Variants in USP10 observed in about 807,000 individuals in gnomAD.
The protein encoded by USP10 is ubiquitin specific peptidase 10.
A neutral mutation model predicts 84.5 loss-of-function variants in USP10; 22 were observed. That is an observed-to-expected ratio of 0.26 (90% CI 0.19 to 0.37). The LOEUF (loss-of-function observed/expected upper bound fraction) is 0.37. Ranked by LOEUF, USP10 falls within the 10% of genes least tolerant of loss-of-function variation. USP10 has a pLI of 1.00. For synonymous variants in USP10, 454 were observed against 387.6 expected, an observed-to-expected ratio of 1.17 and a Z score of -2.01; for missense variants, 1,019 against 998.9, an observed-to-expected ratio of 1.02 and a Z score of -0.27.
chr16:84,743,491 C>T (rs570429490), intron 3 of USP10, among the ~76,000 whole-genome samples: 2 of 152,118 alleles, frequency 1.3e-5, no homozygotes, highest in Admixed American at 6.5e-5. Context: ...AAAATATATT[C>T]AGTTCTCCGC....
At chr16:84,763,191 C>A (rs1913411063) in intron 9 of USP10, 103 bp downstream of exon 9, 2 of 612,414 alleles carry the variant, frequency 3.3e-6, no homozygotes, top group Admixed American at 5.2e-5. Flanking sequence ...AGTCGTTTTC[C>A]TTTCAAATAG....
intron 10 of USP10, among the ~76,000 whole-genome samples, chr16:84,765,735 A>C (rs1204785064): frequency 6.6e-6 from 1 of 152,220 alleles, no homozygotes; most frequent in Non-Finnish European, 1.5e-5. Context: ...GGTGAGGTAG[A>C]AAGTGAAGAG....
chr16:84,725,623 C>T (rs1365490804), intron 1 of USP10, among the ~76,000 whole-genome samples: 1 of 152,056 alleles, frequency 6.6e-6, no homozygotes, highest in Non-Finnish European at 1.5e-5. Flanking sequence ...AGTCTGTTCT[C>T]TGACTCCTGA....
chr16:84,713,571 T>C (rs1427834887), intron 1 of USP10, among the ~76,000 whole-genome samples: 1 of 152,206 alleles, frequency 6.6e-6, no homozygotes, highest in Non-Finnish European at 1.5e-5. Context: ...GTTTGCTTTG[T>C]TCACTGCTGG....
chr16:84,748,565 A>G (rs193019224), intron 4 of USP10, among the ~76,000 whole-genome samples: 13 of 152,146 alleles, frequency 8.5e-5, no homozygotes, highest in Non-Finnish European at 1.5e-4. Flanking sequence ...CAGCCTCTCA[A>G]AGTGCTGAGA....
chr16:84,700,007 T>C lies in USP10; in HGVS notation c.-84T>C, dbSNP rs1904620716. On this transcript the variant is annotated 5_prime_UTR_variant, in exon 1 of 14. Coordinates refer to ENST00000219473, the MANE Select transcript of USP10 (RefSeq NM_005153.3). The stretch of plus-strand genomic sequence containing the variant: ...AGGCGCGGCGGCCGATGCGAGTGTG[T>C]ATGTGCGGGCGAGAAGATGGCGGCG... 8 of 1,262,678 alleles carry C rather than the reference T, an allele frequency of 6.3e-6. No homozygotes were observed. Among genetic ancestry groups the C allele is most frequent in the East Asian group, 5.3e-5 (1 of 18,814 alleles). The allele number at this position is 1,262,678 out of a possible 1,614,324, so 78.2% of individuals were successfully genotyped here.
chr16:84,737,895 C>T (rs1301785864), intron 2 of USP10, among the ~76,000 whole-genome samples: 1 of 152,240 alleles, frequency 6.6e-6, no homozygotes, highest in Admixed American at 6.5e-5. Flanking sequence ...CACCCTCAGT[C>T]AGCGCCACCT....
At chr16:84,759,510 T>A (rs750020049) in intron 6 of USP10, 38 bp downstream of exon 6, 1 of 1,559,726 alleles carries the variant, frequency 6.4e-7, no homozygotes, top group Non-Finnish European at 8.8e-7. Flanking sequence ...AGTGGTGGGG[T>A]TTTTCCCGTC....
At chr16:84,777,358 C>T (rs1366453450) in intron 13 of USP10, among the ~76,000 whole-genome samples, 3 of 152,170 alleles carry the variant, frequency 2.0e-5, no homozygotes, top group East Asian at 1.9e-4. Flanking sequence ...TACTGATGGT[C>T]GCTTTGAAGC....
chr16:84,725,329 A>C (rs181609634), intron 1 of USP10, among the ~76,000 whole-genome samples: 2 of 152,300 alleles, frequency 1.3e-5, no homozygotes, highest in Admixed American at 6.5e-5. Flanking sequence ...AACTTAGTAT[A>C]ATGTTTTCAA....
intron 11 of USP10, 146 bp from the exon 12 acceptor site, chr16:84,772,395 C>A: frequency 9.1e-7 from 1 of 1,094,002 alleles, no homozygotes; most frequent in South Asian, 1.5e-5. Flanking sequence ...CTCAGAGCTT[C>A]TGTGGGGCAG....
chr16:84,765,071 T>C (rs772336698), intron 10 of USP10, among the ~76,000 whole-genome samples: 50 of 151,286 alleles, frequency 3.3e-4, no homozygotes, highest in Non-Finnish European at 6.2e-4. Flanking sequence ...CAAGACTGTC[T>C]TCAAAAAAAA....
At chr16:84,727,345 A>T (rs1453803266) in intron 1 of USP10, among the ~76,000 whole-genome samples, 1 of 152,182 alleles carries the variant, frequency 6.6e-6, no homozygotes, top group Admixed American at 6.5e-5. Context: ...CCCTCATGTG[A>T]CAGCCTTTGA....
Position 84,733,457 on chromosome 16 carries a change from C to T in USP10, c.44C>T (p.Pro15Leu), listed in dbSNP as rs1224318040. The T allele has an allele frequency of 1.2e-6, 2 of 1,609,000 alleles. No individual in the cohort carries two copies. The highest frequency in any genetic ancestry group is 1.7e-5 in the Admixed American group (1 of 59,402). ...SPQYIFGDFS[P>L]DEFNQFFVTP... ...CAGTATATTTTTGGAGATTTTAGCCCTGATGAATTCAATCAATTCTTTGTG... is the reference window on the plus strand; with the variant it reads ...CAGTATATTTTTGGAGATTTTAGCCTTGATGAATTCAATCAATTCTTTGTG... Residue 15 changes from proline (P) to leucine (L), a missense_variant, in exon 2 of 14, where the codon CCT (proline) becomes CTT (leucine). Transcript: ENST00000219473.
intron 2 of USP10, among the ~76,000 whole-genome samples, chr16:84,734,456 T>G (rs1909637551): frequency 6.6e-6 from 1 of 152,244 alleles, no homozygotes; most frequent in Non-Finnish European, 1.5e-5. Context: ...TTTATATCCC[T>G]TGTCCATATT....
At chr16:84,729,919 A>G (rs1353207689) in intron 1 of USP10, among the ~76,000 whole-genome samples, 1 of 152,212 alleles carries the variant, frequency 6.6e-6, no homozygotes, top group Non-Finnish European at 1.5e-5. Flanking sequence ...ACATGTTTTC[A>G]TCAAGTCCTA....
At chr16:84,777,198 G>A (rs1915111853) in intron 13 of USP10, among the ~76,000 whole-genome samples, 2 of 152,144 alleles carry the variant, frequency 1.3e-5, no homozygotes, top group Admixed American at 6.5e-5. Context: ...GGGCTTGCAG[G>A]TGTGAGTGAC....
chr16:84,714,928 T>C lies in USP10; in HGVS notation c.21+14817T>C, dbSNP rs559253523. Among the ~76,000 whole-genome samples, 3 of 149,582 alleles carry C rather than the reference T, an allele frequency of 2.0e-5. No individual in the cohort carries two copies. The South Asian group carries it at 6.3e-4, about 32-fold the overall frequency. On this transcript the variant is annotated intron_variant, in intron 1 of 13. Transcript: ENST00000219473. The stretch of plus-strand genomic sequence containing the variant: ...AAAAAGTTCTGATTATTATTATTAT[T>C]ATTATTATTTTTTTTTTTTGAGATG...
chr16:84,714,386 C>T (rs1906722359), intron 1 of USP10, among the ~76,000 whole-genome samples: 2 of 152,174 alleles, frequency 1.3e-5, no homozygotes, highest in South Asian at 4.1e-4. Flanking sequence ...ACAATCGTAG[C>T]TCACTCCCTG....
Sources: gnomAD v4.1 joint callset for allele counts (sites outside exome capture counted in the v4.1 genomes callset) on GRCh38, gnomAD v4.1.1 for gene constraint, MANE v1.5 for transcripts, NCBI Gene and HGNC (gene_info 2026-07-23, HGNC 2026-07-21) for gene names.